COL6A5: variants seen among roughly 807,000 people sequenced by gnomAD.
COL6A5 encodes the protein collagen alpha-5(VI) chain.
In COL6A5, 48 loss-of-function variants were observed where a neutral mutation model predicts 65.6. That is an observed-to-expected ratio of 0.73 (90% CI 0.58 to 0.93). The LOEUF is 0.93. COL6A5 is among the 40% of genes least tolerant of loss of function. The probability of loss-of-function intolerance (pLI) is 0.00; values close to 1 mark genes in which losing one functional copy is unlikely to be tolerated. For missense variants in COL6A5, 914 were observed against 928.3 expected (o/e 0.98, Z 0.20); for synonymous variants, 291 against 322.8 (o/e 0.90, Z 1.05).
At chr3:130,379,393 C>T in intron 3 of COL6A5, 25 bp from the exon 4 acceptor site, 3 of 1,537,644 alleles carry the variant, frequency 2.0e-6, no homozygotes, top group Non-Finnish European at 2.6e-6. Context: ...TTATACTAAT[C>T]CTCACACATT....
At chr3:130,395,021 A>G in exon 8 of COL6A5, 1 of 1,551,588 alleles carries the variant, frequency 6.4e-7, no homozygotes, top group Admixed American at 2.0e-5. Context: ...GTCTCAAAGA[A>G]TGAAAATTGG....
At chr3:130,368,489 C>G (rs901222342) in intron 1 of COL6A5, among the ~76,000 whole-genome samples, 3 of 151,978 alleles carry the variant, frequency 2.0e-5, no homozygotes, top group Admixed American at 6.6e-5. Flanking sequence ...CCAGTCCTGC[C>G]TTCAAGGAGT....
intron 1 of COL6A5, among the ~76,000 whole-genome samples, chr3:130,358,212 A>T (rs150421834): frequency 1.3e-4 from 20 of 152,198 alleles, no homozygotes; most frequent in South Asian, 8.3e-4. Context: ...AATAAATAAA[A>T]AATTACCATT....
chr3:130,440,707 C>T (rs748735322), exon 3 of COL6A5: 6 of 1,613,318 alleles, frequency 3.7e-6, no homozygotes, highest in Non-Finnish European at 5.1e-6. Context: ...GTAAGGATGA[C>T]ATGGAGGAGT....
At chr3:130,431,396 A>T (rs1326959659), upstream of COL6A5, 4 of 1,507,122 alleles carry the variant, frequency 2.7e-6, no homozygotes, top group African/African-American at 4.2e-5. Flanking sequence ...ACTTCATTGG[A>T]GTAAAGAGTT....
intron 5 of COL6A5, among the ~76,000 whole-genome samples, chr3:130,467,994 T>G (rs1337305844): frequency 1.3e-5 from 2 of 152,056 alleles, no homozygotes; most frequent in African/African-American, 4.8e-5. Context: ...ACAGGCTTCA[T>G]GATCCCTTAG....
chr3:130,436,678 G>A (rs1224366317), intron 1 of COL6A5, among the ~76,000 whole-genome samples: 1 of 152,010 alleles, frequency 6.6e-6, no homozygotes, highest in Non-Finnish European at 1.5e-5. Flanking sequence ...CTTTCTCTGG[G>A]AAACATTTTC....
At chr3:130,414,451 G>A (rs895391784) in intron 22 of COL6A5, among the ~76,000 whole-genome samples, 1 of 152,082 alleles carries the variant, frequency 6.6e-6, no homozygotes, top group African/African-American at 2.4e-5. Flanking sequence ...GTTTTCCATA[G>A]CTGGGGTCCT....
intron 5 of COL6A5, among the ~76,000 whole-genome samples, chr3:130,458,968 A>C (rs1350235099): frequency 5.3e-5 from 8 of 152,152 alleles, no homozygotes; most frequent in African/African-American, 1.9e-4. Context: ...ACCCACTGGT[A>C]AATTAGCACT....
At position 130,394,287 on chromosome 3, in the gene COL6A5, A is replaced by G. The variant is rs76351604; in HGVS notation, c.2993-603A>G. 5.2e-3 allele frequency among the ~76,000 whole-genome samples: 785 copies of G among 152,316 alleles called. 8 individuals are homozygous for G. The highest frequency in any genetic ancestry group is 0.018 in the African/African-American group (749 of 41,556). ...CTAAATTTAAGAGTAAAAAGGATCTAGAGGTCCAGATACCAGCTCCACTCC... is the reference window on the plus strand; with the variant it reads ...CTAAATTTAAGAGTAAAAAGGATCTGGAGGTCCAGATACCAGCTCCACTCC... On this transcript the variant is annotated intron_variant and NMD_transcript_variant, in intron 7 of 41. Coordinates refer to the COL6A5 transcript ENST00000312481.
intron 7 of COL6A5, among the ~76,000 whole-genome samples, chr3:130,474,707 G>A (rs1016423663): frequency 6.6e-6 from 1 of 151,972 alleles, no homozygotes; most frequent in African/African-American, 2.4e-5. Context: ...GATGATGAGA[G>A]AAGAAAGAGT....
intron 4 of COL6A5, among the ~76,000 whole-genome samples, chr3:130,382,557 G>T (rs1162859978): frequency 1.3e-5 from 2 of 152,122 alleles, no homozygotes; most frequent in Non-Finnish European, 2.9e-5. Context: ...GGTCTCTGAG[G>T]GTAGGGCCTG....
chr3:130,440,687 G>A lies in COL6A5; in HGVS notation c.1105G>A (p.Gly369Ser), dbSNP rs746842010. The A allele has an allele frequency of 6.2e-7, 1 of 1,612,686 alleles. No homozygotes were observed. Among genetic ancestry groups the A allele is most frequent in the South Asian group, 1.1e-5 (1 of 90,958 alleles). ...CTACGTCATATTTGTGATTTCTCTGGGCTCTACACGTAAGGATGACATGGA... is the reference window on the plus strand; with the variant it reads ...CTACGTCATATTTGTGATTTCTCTGAGCTCTACACGTAAGGATGACATGGA... Residue 369 changes from glycine to serine, a missense_variant, in exon 3 of 8, where the codon GGC becomes AGC. Gly to Ser is a moderately conservative substitution (Grantham distance 56). Coordinates refer to ENST00000512836, the Ensembl canonical transcript of COL6A5.
At chr3:130,346,550 A>G (rs773742140) in intron 1 of COL6A5, among the ~76,000 whole-genome samples, 2 of 152,198 alleles carry the variant, frequency 1.3e-5, no homozygotes, top group Non-Finnish European at 2.9e-5. Context: ...CGAAACTGTG[A>G]TCTTTGAGAT....
intron 5 of COL6A5, among the ~76,000 whole-genome samples, chr3:130,462,715 G>A (rs188175502): frequency 6.6e-6 from 1 of 152,122 alleles, no homozygotes. Context: ...CCTAAGAAGA[G>A]AAAAATTACA....
chr3:130,479,127 A>C (rs1439015044), intron 7 of COL6A5, among the ~76,000 whole-genome samples: 1 of 152,058 alleles, frequency 6.6e-6, no homozygotes, highest in Non-Finnish European at 1.5e-5. Flanking sequence ...ATTTGTGATT[A>C]AGTCGTGGGG....
exon 8 of COL6A5, chr3:130,484,150 G>A: frequency 8.4e-7 from 1 of 1,187,898 alleles, no homozygotes; most frequent in Non-Finnish European, 1.1e-6. Flanking sequence ...TGTGGTAAAT[G>A]ACAGGGACTT....
At chr3:130,419,364 A>G (rs562112790) in intron 25 of COL6A5, among the ~76,000 whole-genome samples, 4 of 152,294 alleles carry the variant, frequency 2.6e-5, no homozygotes, top group African/African-American at 7.2e-5. Context: ...GGCTGTAACA[A>G]GATCTCAGCT....
intron 3 of COL6A5, 24 bp from the exon 36 acceptor site, chr3:130,443,452 A>G (rs1347564985): frequency 2.0e-6 from 3 of 1,523,412 alleles, no homozygotes; most frequent in Non-Finnish European, 2.7e-6. Context: ...TTAAAATCTA[A>G]CTATAACTTT....
Sources: gnomAD v4.1 joint callset for allele counts (sites outside exome capture counted in the v4.1 genomes callset) on GRCh38, gnomAD v4.1.1 for gene constraint, MANE v1.5 for transcripts, NCBI Gene and HGNC (gene_info 2026-07-23, HGNC 2026-07-21) for gene names.